HIVEP3: variants seen among roughly 807,000 people sequenced by gnomAD.
HIVEP3 encodes the protein HIVEP zinc finger 3.
In HIVEP3, 49 loss-of-function variants were observed where a neutral mutation model predicts 152.8. That is an observed-to-expected ratio of 0.32 (90% CI 0.26 to 0.41). The LOEUF (loss-of-function observed/expected upper bound fraction) is 0.41. HIVEP3 is among the 10% of genes least tolerant of loss of function. HIVEP3 has a pLI of 1.00. For missense variants in HIVEP3, 2,790 were observed against 3,103.3 expected (o/e 0.90, Z 2.40); for synonymous variants, 1,269 against 1,289.0 (o/e 0.98, Z 0.33).
chr1:41,665,676 A>G lies in HIVEP3; in HGVS notation c.-721+35240T>C, dbSNP rs74208676. Among the ~76,000 whole-genome samples, 3 of 124,746 alleles carry G rather than the reference A, an allele frequency of 2.4e-5. No homozygotes were observed. The East Asian group carries it at 8.8e-4, about 37-fold the overall frequency. The allele number at this position is 124,746 out of a possible 152,430, so 81.8% of individuals were successfully genotyped here. A position where few individuals can be genotyped will look rare whatever the true frequency, so the allele number is the denominator to read the frequency against. ...TGTGATCCAGGTGTCCCGGGCTAGA[A>G]TGCTGAATGCTTGTTTCCACGGAAA... On this transcript the variant is annotated intron_variant, in intron 2 of 8. Transcript: ENST00000372583.
chr1:41,610,862 C>T (rs1644887064), intron 3 of HIVEP3, among the ~76,000 whole-genome samples: 1 of 152,212 alleles, frequency 6.6e-6, no homozygotes, highest in African/African-American at 2.4e-5. Flanking sequence ...CTGAGGGGAG[C>T]AGTCATCATC....
intron 1 of HIVEP3, among the ~76,000 whole-genome samples, chr1:41,725,097 T>A (rs1286064400): frequency 6.6e-6 from 1 of 152,190 alleles, no homozygotes; most frequent in East Asian, 1.9e-4. Context: ...ATACAGCAAG[T>A]GAATGAGAAA....
intron 1 of HIVEP3, among the ~76,000 whole-genome samples, chr1:41,825,581 A>G (rs1285209741): frequency 0.064 from 7 of 110 alleles, no homozygotes; most frequent in South Asian, 0.5. Context: ...AAAGTGAGAT[A>G]TATATATATA....
intron 1 of HIVEP3, among the ~76,000 whole-genome samples, chr1:41,958,734 T>C (rs1645153643): frequency 6.6e-6 from 1 of 152,166 alleles, no homozygotes; most frequent in Non-Finnish European, 1.5e-5. Flanking sequence ...TGGGCAAAGC[T>C]TCAGGAAGCA....
At chr1:41,633,601 C>CA (rs1329099071) in intron 2 of HIVEP3, among the ~76,000 whole-genome samples, 4 of 152,164 alleles carry the variant, frequency 2.6e-5, no homozygotes, top group African/African-American at 9.7e-5. Flanking sequence ...CACTGTTCAT[C>CA]ACAGAAACCT....
chr1:41,693,630 TG>T (rs1346437103), intron 2 of HIVEP3, among the ~76,000 whole-genome samples: 2 of 152,212 alleles, frequency 1.3e-5, no homozygotes, highest in African/African-American at 4.8e-5. Flanking sequence ...CTGATTGTTG[TG>T]GGGTGGGGTG....
rs112765243 is a variant in HIVEP3 at position 41,510,620 on chromosome 1, C to T, written c.7052G>A (p.Arg2351His). The change falls in exon 9 of 9, where the codon CGC becomes CAC. Residue 2351 changes from arginine to histidine, a missense_variant. By Grantham distance (29) the Arg-to-His change is conservative (BLOSUM62 0). Around this residue, in one of 9 missense-constraint regions of HIVEP3, gnomAD observed 816 missense variants for 806.5 expected, o/e 1.01. Transcript: ENST00000372583. Reference protein sequence around the residue: ...PEPSATPPLDRSSSVGCLAEA... With the variant: ...PEPSATPPLDHSSSVGCLAEA... ...TGCCAGGCAGCCCACAGAGCTGCTG[C>T]GGTCCAGCGGCGGGGTGGCAGAAGG... 1,774 of 1,549,518 alleles carry T rather than the reference C, an allele frequency of 1.1e-3. 2 individuals carry two copies. Among genetic ancestry groups the T allele is most frequent in the Non-Finnish European group, 1.5e-3 (1,676 of 1,146,528 alleles).
At chr1:41,720,029 G>C (rs1284490996) in intron 1 of HIVEP3, among the ~76,000 whole-genome samples, 1 of 152,210 alleles carries the variant, frequency 6.6e-6, no homozygotes, top group Non-Finnish European at 1.5e-5. Flanking sequence ...CTGTGGAGCG[G>C]GGCTGGGGTC....
At chr1:41,838,821 T>C (rs1643202724) in intron 1 of HIVEP3, among the ~76,000 whole-genome samples, 2 of 152,248 alleles carry the variant, frequency 1.3e-5, no homozygotes, top group South Asian at 2.1e-4. Context: ...AAGGGTAATA[T>C]GCACAATTTA....
chr1:41,651,651 C>T (rs1645551629), intron 2 of HIVEP3, among the ~76,000 whole-genome samples: 1 of 152,194 alleles, frequency 6.6e-6, no homozygotes, highest in Admixed American at 6.5e-5. Context: ...TCAGGGCATC[C>T]TGGAACCAAT....
chr1:41,624,893 C>T (rs891531402), intron 3 of HIVEP3, among the ~76,000 whole-genome samples: 7 of 152,254 alleles, frequency 4.6e-5, no homozygotes, highest in East Asian at 3.9e-4. Context: ...TGGCCAGGCG[C>T]GGTGGCTCAC....
intron 5 of HIVEP3, among the ~76,000 whole-genome samples, chr1:41,557,231 G>A (rs1340383490): frequency 1.3e-5 from 2 of 152,174 alleles, no homozygotes; most frequent in African/African-American, 2.4e-5. Context: ...CATGTGCTAG[G>A]TATTAGGGAC....
At chr1:41,590,701 T>C (rs781038977) in intron 3 of HIVEP3, among the ~76,000 whole-genome samples, 11 of 152,118 alleles carry the variant, frequency 7.2e-5, no homozygotes, top group Non-Finnish European at 1.5e-4. Flanking sequence ...TCTGGGAGGC[T>C]GAAAAGGGTT....
At chr1:41,955,269 T>G (rs1540975) in intron 1 of HIVEP3, among the ~76,000 whole-genome samples, 84,331 of 151,622 alleles carry the variant, frequency 0.56, 23,584 homozygotes, top group East Asian at 0.71. Flanking sequence ...GTGGGAGCCG[T>G]TTTAGAAAAA....
chr1:41,862,576 C>T (rs1643901335), intron 1 of HIVEP3, among the ~76,000 whole-genome samples: 1 of 152,202 alleles, frequency 6.6e-6, no homozygotes, highest in Non-Finnish European at 1.5e-5. Flanking sequence ...CATCTCTCCC[C>T]ATCCATTTCT....
In HIVEP3 at chr1:42,025,001, G is replaced by T. The variant is rs559916445; in HGVS notation, n.119+10806C>A. Among the ~76,000 whole-genome samples the T allele has an allele frequency of 7.9e-5, 12 of 152,254 alleles. No homozygotes were observed. The East Asian group carries it at 2.3e-3, about 29-fold the overall frequency. ...ATGTCTTTTTGTTGTTGTTGTTCCT[G>T]CTAGAATTTTCTCTTTGCCTTCAGT... is the stretch of plus-strand genomic sequence containing the variant. On this transcript the variant is annotated intron_variant and non_coding_transcript_variant, in intron 1 of 3. Coordinates refer to the HIVEP3 transcript ENST00000489103.
chr1:41,984,501 C>A (rs1570867444), intron 1 of HIVEP3, among the ~76,000 whole-genome samples: 1 of 152,118 alleles, frequency 6.6e-6, no homozygotes, highest in Admixed American at 6.5e-5. Flanking sequence ...CAAAGGTGCA[C>A]AACAAATATC....
intron 1 of HIVEP3, among the ~76,000 whole-genome samples, chr1:41,818,273 A>G (rs1199960971): frequency 2.0e-5 from 3 of 152,184 alleles, no homozygotes; most frequent in African/African-American, 7.2e-5. Flanking sequence ...CAAAATACTA[A>G]TAAACTCCCA....
Position 41,512,837 on chromosome 1 carries a change from T to C in HIVEP3, c.6384A>G (p.Pro2128=). 6.6e-7 allele frequency: 1 copy of C among 1,523,738 alleles called. No individual in the cohort carries two copies. Among genetic ancestry groups the C allele is most frequent in the Non-Finnish European group, 8.8e-7 (1 of 1,130,410 alleles). 94.4% of individuals were successfully genotyped at this position (1,523,738 alleles called of 1,614,324 possible). Residue 2128 remains proline, a synonymous_variant, in exon 8 of 9, where the codon CCA becomes CCG. Coordinates refer to ENST00000372583, the MANE Select transcript of HIVEP3 (RefSeq NM_024503.5). ...TCACCCACGGGGAGGCGCAGGTCTC[T>C]GGGCTTCTGCTGAGGAGCTTGTGAG... is the stretch of plus-strand genomic sequence containing the variant. The part of the protein sequence containing the change: ...PLPHKLLSRS[P]ETCASPWQKA...
Sources: gnomAD v4.1 joint callset for allele counts (sites outside exome capture counted in the v4.1 genomes callset) on GRCh38, gnomAD v4.1.1 for gene constraint, gnomAD v4.1.1 regional missense constraint, MANE v1.5 for transcripts, NCBI Gene and HGNC (gene_info 2026-07-23, HGNC 2026-07-21) for gene names.